The following HNRNPF variants were observed in gnomAD, a reference collection of about 807,000 sequenced individuals.
HNRNPF encodes heterogeneous nuclear ribonucleoprotein F.
In HNRNPF, 2 loss-of-function variants were observed where a neutral mutation model predicts 26.0. The ratio of observed to expected loss-of-function variants is 0.08; its 90% confidence interval spans 0.03 to 0.24. The LOEUF (loss-of-function observed/expected upper bound fraction) is 0.24, where lower values mean the gene tolerates loss of function less well. Ranked by LOEUF, HNRNPF falls within the 10% of genes least tolerant of loss-of-function variation. The pLI, the probability that HNRNPF is intolerant of heterozygous loss-of-function variation, is 1.00. For synonymous variants in HNRNPF, 234 were observed against 211.5 expected, an observed-to-expected ratio of 1.11 and a Z score of -0.92; for missense variants, 299 against 539.2, an observed-to-expected ratio of 0.55 and a Z score of 4.41.
At position 43,386,741 on chromosome 10, in the gene HNRNPF, C is replaced by T. The variant is rs369957060; in HGVS notation, c.1144G>A (p.Val382Met). The T allele has an allele frequency of 2.2e-5, 35 of 1,614,078 alleles. No individual in the cohort carries two copies. Among genetic ancestry groups the T allele is most frequent in the Non-Finnish European group, 2.8e-5 (33 of 1,180,040 alleles). The change falls in exon 4 of 4, where the codon GTG becomes ATG. Residue 382 changes from valine (V) to methionine (M), a missense_variant. Transcript: ENST00000682386. ...CTGTAAGTGGCCTGGGCAGCAGACA[C>T]CCCCATGCCTTGCATCACCTGGCTG... ...YSSQVMQGMG[V>M]SAAQATYSGL... is the part of the protein sequence containing the mutation.
At chr10:43,400,891 G>GTCGAGACCATCCTA (rs61678752) in intron 1 of HNRNPF, among the ~76,000 whole-genome samples, 52,185 of 151,828 alleles carry the variant, frequency 0.34, 10,665 homozygotes, top group African/African-American at 0.58. Context: ...AGGTCAGGAG[G>GTCGAGACCATCCTA]GCTAATACGG....
At chr10:43,396,892 G>GGGGGAGGGGA (rs370667436) in intron 1 of HNRNPF, 86 of 104,582 alleles carry the variant, frequency 8.2e-4, no homozygotes, top group African/African-American at 2.2e-3. Flanking sequence ...CCTCGCGGGA[G>GGGGGAGGGGA]GGGGAGGGGA....
chr10:43,396,309 A>G (rs1191761310), intron 2 of HNRNPF, 147 bp downstream of exon 2: 1 of 151,890 alleles, frequency 6.6e-6, no homozygotes, highest in East Asian at 1.9e-4. Flanking sequence ...TCCTAGACAC[A>G]CTCCCGTGCC....
intron 3 of HNRNPF, among the ~76,000 whole-genome samples, chr10:43,391,380 C>T (rs1838240285): frequency 1.3e-5 from 2 of 151,890 alleles, no homozygotes; most frequent in African/African-American, 4.8e-5. Context: ...ATCACCTGAA[C>T]CCAGGAAGCG....
intron 1 of HNRNPF, among the ~76,000 whole-genome samples, chr10:43,401,335 T>C (rs908624439): frequency 6.6e-6 from 1 of 152,186 alleles, no homozygotes; most frequent in Non-Finnish European, 1.5e-5. Context: ...AAGAGTAGTA[T>C]AATGTAATGT....
chr10:43,401,061 G>A (rs936997775), intron 1 of HNRNPF, among the ~76,000 whole-genome samples: 2 of 148,908 alleles, frequency 1.3e-5, no homozygotes, highest in Non-Finnish European at 3.0e-5. Flanking sequence ...CAGCCTGGGC[G>A]ATAGAGCGAG....
chr10:43,390,054 G>C (rs1838182237), intron 3 of HNRNPF, among the ~76,000 whole-genome samples: 4 of 152,184 alleles, frequency 2.6e-5, no homozygotes, highest in Admixed American at 2.6e-4. Flanking sequence ...CGCCTCCCCA[G>C]GGCCTTATCT....
chr10:43,387,343 A>G lies in HNRNPF; in HGVS notation c.542T>C (p.Ile181Thr). 2 of 1,614,094 alleles carry G rather than the reference A, an allele frequency of 1.2e-6. No homozygotes were observed. Among genetic ancestry groups the G allele is most frequent in the Non-Finnish European group, 1.7e-6 (2 of 1,180,008 alleles). The change falls in exon 4 of 4, where the codon ATT becomes ACT. Residue 181 changes from isoleucine (I) to threonine (T), a missense_variant. This residue lies in a region of HNRNPF where 104 missense variants were observed against 239.0 expected (regional missense o/e 0.44). Coordinates refer to ENST00000682386, the MANE Select transcript of HNRNPF (RefSeq NM_001098204.2). The surrounding 1 kb of genome is among the most constrained non-coding windows in gnomAD (Gnocchi z 6.0). ...KHKERIGHRY[I>T]EVFKSSQEEV... ...CTCCTGGCTGCTCTTAAACACCTCAATGTACCTGTGCCCTATCCTCTCCTT... is the reference window on the plus strand; with the variant it reads ...CTCCTGGCTGCTCTTAAACACCTCAGTGTACCTGTGCCCTATCCTCTCCTT...
chr10:43,406,653 T>C (rs12771467), intron 1 of HNRNPF, among the ~76,000 whole-genome samples: 3 of 152,212 alleles, frequency 2.0e-5, no homozygotes, highest in East Asian at 1.9e-4. Context: ...GATCACACCA[T>C]TGCACTCCAG....
In HNRNPF at chr10:43,385,975, TCAAC is replaced by T. The variant is rs1411006477; in HGVS notation, c.*658_*661del. On this transcript the variant is annotated 3_prime_UTR_variant, in exon 4 of 4. Transcript: ENST00000682386. ...ACATTACGATTAAAATGAATTATCT[TCAAC>T]CACCCGTTTTGCTATCTTTTGCTGA... The T allele has an allele frequency of 4.6e-5, 7 of 152,678 alleles. No individual in the cohort carries two copies. The highest frequency in any genetic ancestry group is 8.8e-5 in the Non-Finnish European group (6 of 68,042). The allele number at this position is 152,678 out of a possible 1,614,324, so 9.5% of individuals were successfully genotyped here. A position where few individuals can be genotyped will look rare whatever the true frequency, so the allele number is the denominator to read the frequency against.
chr10:43,397,498 C>G (rs1437279074), intron 1 of HNRNPF, among the ~76,000 whole-genome samples: 1 of 102,034 alleles, frequency 9.8e-6, no homozygotes, highest in African/African-American at 3.7e-5. Flanking sequence ...GTGCCAGCCA[C>G]GGGGAAGGGC....
intron 1 of HNRNPF, among the ~76,000 whole-genome samples, chr10:43,402,615 A>G (rs1393740152): frequency 6.6e-6 from 1 of 152,250 alleles, no homozygotes; most frequent in Admixed American, 6.5e-5. Flanking sequence ...AAACATCACA[A>G]GAAAACTAAC....
At chr10:43,404,938 G>A (rs1051748265) in intron 1 of HNRNPF, among the ~76,000 whole-genome samples, 1 of 152,170 alleles carries the variant, frequency 6.6e-6, no homozygotes, top group Non-Finnish European at 1.5e-5. Context: ...AGAAAAATGC[G>A]AAGTGTGGGG....
At chr10:43,399,521 C>G (rs939402981) in intron 1 of HNRNPF, among the ~76,000 whole-genome samples, 1 of 152,124 alleles carries the variant, frequency 6.6e-6, no homozygotes, top group African/African-American at 2.4e-5. Flanking sequence ...GATGACATAG[C>G]CTTAAAGGCC....
chr10:43,388,446 A>G (rs925789639), intron 3 of HNRNPF, among the ~76,000 whole-genome samples: 1 of 152,188 alleles, frequency 6.6e-6, no homozygotes, highest in African/African-American at 2.4e-5. Flanking sequence ...ATCAGCAGTA[A>G]TGTTGCCAGG....
intron 1 of HNRNPF, among the ~76,000 whole-genome samples, chr10:43,399,367 A>C (rs993142562): frequency 1.3e-5 from 2 of 152,210 alleles, no homozygotes; most frequent in Non-Finnish European, 2.9e-5. Context: ...TATAGGTATA[A>C]GCCACTGTGC....
intron 3 of HNRNPF, among the ~76,000 whole-genome samples, chr10:43,390,680 C>T (rs761496123): frequency 9.9e-5 from 15 of 152,174 alleles, no homozygotes; most frequent in African/African-American, 2.2e-4. Flanking sequence ...TAACTGTACG[C>T]GCCCAGTAAA....
At chr10:43,400,512 A>G (rs1838719134) in intron 1 of HNRNPF, among the ~76,000 whole-genome samples, 1 of 152,138 alleles carries the variant, frequency 6.6e-6, no homozygotes, top group Non-Finnish European at 1.5e-5. Flanking sequence ...CATATTTGTT[A>G]TGGATGTTTT....
chr10:43,402,580 TACA>T (rs1331115437), intron 1 of HNRNPF, among the ~76,000 whole-genome samples: 7 of 152,352 alleles, frequency 4.6e-5, no homozygotes, highest in Middle Eastern at 3.4e-3. Context: ...AGCATACTAA[TACA>T]ACGTGTTACC....
Sources: gnomAD v4.1 joint callset for allele counts (sites outside exome capture counted in the v4.1 genomes callset) on GRCh38, gnomAD v4.1.1 for gene constraint, gnomAD v4.1.1 regional missense constraint, Gnocchi (gnomAD v3.1) non-coding constraint, MANE v1.5 for transcripts, NCBI Gene and HGNC (gene_info 2026-07-23, HGNC 2026-07-21) for gene names.